OR4D1: variants seen among roughly 807,000 people sequenced by gnomAD.
OR4D1 encodes the protein olfactory receptor family 4 subfamily D member 1.
Under a neutral mutation model 14.2 loss-of-function variants are expected in OR4D1, and 10 were observed. That is an observed-to-expected ratio of 0.71 (90% CI 0.44 to 1.20). The LOEUF (loss-of-function observed/expected upper bound fraction) is 1.20, where lower values mean the gene tolerates loss of function less well. OR4D1 is among the 50% of genes most tolerant of loss of function. The probability of loss-of-function intolerance (pLI) is 0.00; values close to 1 mark genes in which losing one functional copy is unlikely to be tolerated. For synonymous variants in OR4D1, 141 were observed against 147.4 expected (o/e 0.96, Z 0.32); for missense variants, 345 against 376.6 (o/e 0.92, Z 0.70).
At position 58,157,394 on chromosome 17, in the gene OR4D1, AC is replaced by A; in HGVS notation, c.*1310del. 8.3e-7 allele frequency: 1 copy of A among 1,202,946 alleles called. No homozygotes were observed. Among genetic ancestry groups the A allele is most frequent in the East Asian group, 2.4e-5 (1 of 41,056 alleles). The allele number at this position is 1,202,946 out of a possible 1,614,324, so 74.5% of individuals were successfully genotyped here. ...GCCGCCGCCAAGACACGTGAGCCCT[AC>A]CACCTGCACCCTGAGAAAACACAAG... On this transcript the variant is annotated 3_prime_UTR_variant, in exon 4 of 4. Transcript: ENST00000268912.
rs8081942 is a variant in OR4D1 at position 58,156,674 on chromosome 17, T to C, written c.*588T>C. Reference sequence around the variant, plus strand: ...AAGTGACTTGCTCAAAGGTGAACAGTAAGTGAGTGGCAGAGCTTGCCCTGG... The same window carrying C: ...AAGTGACTTGCTCAAAGGTGAACAGCAAGTGAGTGGCAGAGCTTGCCCTGG... On this transcript the variant is annotated 3_prime_UTR_variant, in exon 4 of 4. Coordinates refer to ENST00000268912, the MANE Select transcript of OR4D1 (RefSeq NM_001386095.1). 0.37 allele frequency: 62,702 copies of C among 167,402 alleles called. 13,942 individuals are homozygous for C. The highest frequency in any genetic ancestry group is 0.64 in the African/African-American group (26,777 of 41,670). The allele number at this position is 167,402 out of a possible 1,614,324, so 10.4% of individuals were successfully genotyped here. A position where few individuals can be genotyped will look rare whatever the true frequency, so the allele number is the denominator to read the frequency against.
At chr17:58,149,042 C>T (rs1967666585) in intron 1 of OR4D1, among the ~76,000 whole-genome samples, 1 of 152,104 alleles carries the variant, frequency 6.6e-6, no homozygotes, top group Admixed American at 6.6e-5. Context: ...TAGATTCTAC[C>T]CCATTTTGGG....
In OR4D1 at chr17:58,157,084, G is replaced by A; in HGVS notation, c.*998G>A. 6.9e-7 allele frequency: 1 copy of A among 1,455,992 alleles called. No homozygotes were observed. The highest frequency in any genetic ancestry group is 2.5e-5 in the East Asian group (1 of 40,086). 90.2% of individuals were successfully genotyped at this position (1,455,992 alleles called of 1,614,324 possible). On this transcript the variant is annotated 3_prime_UTR_variant, in exon 4 of 4. Coordinates refer to ENST00000268912, the MANE Select transcript of OR4D1 (RefSeq NM_001386095.1). ...GCGGTCGGGCCAGGTCCGGGGCCTG[G>A]GGACGCCGAGGCGGCCGCGGAGGAG...
rs367749401 is a variant in OR4D1 at position 58,155,839 on chromosome 17, C to T, written c.686C>T (p.Ser229Leu). 1.4e-5 allele frequency: 22 copies of T among 1,614,022 alleles called. No homozygotes were observed. Among genetic ancestry groups the T allele is most frequent in the Non-Finnish European group, 1.8e-5 (21 of 1,180,012 alleles). Residue 229 changes from serine (S) to leucine (L), a missense_variant, in exon 4 of 4, where the codon TCG becomes TTG. By Grantham distance (145) the Ser-to-Leu change is moderately radical. Coordinates refer to ENST00000268912, the MANE Select transcript of OR4D1 (RefSeq NM_001386095.1). ...ATCCTGGTGATGCTGAGGTCCCACTCGGGAAAGGCAAGGAGGAAGGCAGCT... is the reference window on the plus strand; with the variant it reads ...ATCCTGGTGATGCTGAGGTCCCACTTGGGAAAGGCAAGGAGGAAGGCAGCT... The part of the protein sequence containing the change: ...TVILVMLRSH[S>L]GKARRKAAST...
Position 58,156,986 on chromosome 17 carries a change from C to A in OR4D1, c.*900C>A. 2 of 754,456 alleles carry A rather than the reference C, an allele frequency of 2.7e-6. No homozygotes were observed. The highest frequency in any genetic ancestry group is 2.7e-5 in the East Asian group (1 of 36,784). The allele number at this position is 754,456 out of a possible 1,614,324, so 46.7% of individuals were successfully genotyped here. A position where few individuals can be genotyped will look rare whatever the true frequency, so the allele number is the denominator to read the frequency against. ...CGCCGCTGCGGGTTGCTAGCGGAGT[C>A]GCGCGTCGGGAGCTACGTAGGGCAG... On this transcript the variant is annotated 3_prime_UTR_variant, in exon 4 of 4. Transcript: ENST00000268912.
intron 2 of OR4D1, among the ~76,000 whole-genome samples, 50 bp from the exon 3 acceptor site, chr17:58,153,807 A>G (rs2143659198): frequency 6.6e-6 from 1 of 152,296 alleles, no homozygotes; most frequent in Admixed American, 6.5e-5. Flanking sequence ...ACTTTCACTT[A>G]CTAAAGAATC....
At position 58,157,546 on chromosome 17, in the gene OR4D1, G is replaced by A. The variant is rs1481774521; in HGVS notation, c.*1460G>A. On this transcript the variant is annotated 3_prime_UTR_variant, in exon 4 of 4. Transcript: ENST00000268912. ...ACTTCTCCAGCTCTCCGAACCTCAC[G>A]GAGACTCAGGTCAAAATCTTGTTCC... 9 of 1,496,128 alleles carry A rather than the reference G, an allele frequency of 6.0e-6. No homozygotes were observed. Among genetic ancestry groups the A allele is most frequent in the Non-Finnish European group, 7.5e-6 (8 of 1,073,368 alleles). 92.7% of individuals were successfully genotyped at this position (1,496,128 alleles called of 1,614,324 possible). A position where few individuals can be genotyped will look rare whatever the true frequency, so the allele number is the denominator to read the frequency against.
intron 2 of OR4D1, among the ~76,000 whole-genome samples, chr17:58,152,633 A>G (rs1967715507): frequency 6.6e-6 from 1 of 152,210 alleles, no homozygotes; most frequent in Non-Finnish European, 1.5e-5. Context: ...AAAAGCATAT[A>G]AAAATGTATG....
rs1257802602 is a variant in OR4D1, at chr17:58,153,958, C to G, written c.-25C>G. Among the ~76,000 whole-genome samples the G allele has an allele frequency of 1.3e-5, 2 of 152,092 alleles. No individual in the cohort carries two copies. Among genetic ancestry groups the G allele is most frequent in the Non-Finnish European group, 2.9e-5 (2 of 68,016 alleles). ...ACCTCAGCCTCCTGAATAACTGAGA[C>G]TACAGGTATGCACTACCATGCCCAG... On this transcript the variant is annotated 5_prime_UTR_variant, in exon 3 of 4. Coordinates refer to ENST00000268912, the MANE Select transcript of OR4D1 (RefSeq NM_001386095.1).
Position 58,155,439 on chromosome 17 carries a change from G to C in OR4D1, c.286G>C (p.Gly96Arg). 1 of 1,614,124 alleles carries C rather than the reference G, an allele frequency of 6.2e-7. No individual in the cohort carries two copies. The highest frequency in any genetic ancestry group is 8.5e-7 in the Non-Finnish European group (1 of 1,180,022). Residue 96 changes from glycine to arginine, a missense_variant, in exon 4 of 4, where the codon GGC (glycine) becomes CGC (arginine). Coordinates refer to ENST00000268912, the MANE Select transcript of OR4D1 (RefSeq NM_001386095.1). Reference protein sequence around the residue: ...LHETKTISYQGCMAQIFFFHL... With the variant: ...LHETKTISYQRCMAQIFFFHL... The stretch of plus-strand genomic sequence containing the variant: ...TGAGACCAAGACGATCTCCTACCAG[G>C]GCTGCATGGCCCAGATCTTCTTCTT...
Position 58,155,140 on chromosome 17 carries a change from T to TG in OR4D1, c.-9dup, listed in dbSNP as rs770989343. On this transcript the variant is annotated 5_prime_UTR_variant, in exon 4 of 4. Transcript: ENST00000268912. ...TTTCAATGGTTTCTCTGTAGGAACG[T>TG]GGGGGAAGATCCTATGGAACCACAG... 5.7e-6 allele frequency: 9 copies of TG among 1,581,910 alleles called. No homozygotes were observed. In the South Asian group the frequency reaches 1.0e-4, roughly 18 times the overall value.
In OR4D1 at chr17:58,157,399, C is replaced by A; in HGVS notation, c.*1313C>A. 8.3e-7 allele frequency: 1 copy of A among 1,204,544 alleles called. No individual in the cohort carries two copies. The highest frequency in any genetic ancestry group is 1.2e-6 in the Non-Finnish European group (1 of 827,668). 74.6% of individuals were successfully genotyped at this position (1,204,544 alleles called of 1,614,324 possible). A position where few individuals can be genotyped will look rare whatever the true frequency, so the allele number is the denominator to read the frequency against. ...CGCCAAGACACGTGAGCCCTACCACCTGCACCCTGAGAAAACACAAGACCA... is the reference window on the plus strand; with the variant it reads ...CGCCAAGACACGTGAGCCCTACCACATGCACCCTGAGAAAACACAAGACCA... On this transcript the variant is annotated 3_prime_UTR_variant, in exon 4 of 4. Transcript: ENST00000268912.
chr17:58,155,768 G>C lies in OR4D1; in HGVS notation c.615G>C (p.Leu205=), dbSNP rs199828181. Residue 205 remains leucine, a synonymous_variant, in exon 4 of 4, where the codon CTG becomes CTC. Transcript: ENST00000268912. ...LEFLMISNSG[L]LVIIWFLLLL... ...TCCTCATGATCTCCAACAGTGGGCT[G>C]CTAGTTATCATCTGGTTCCTCCTCC... 1 of 1,614,186 alleles carries C rather than the reference G, an allele frequency of 6.2e-7. No homozygotes were observed. The highest frequency in any genetic ancestry group is 8.5e-7 in the Non-Finnish European group (1 of 1,180,026).
rs1025840059 is a variant in OR4D1, at chr17:58,156,374, C to T, written c.*288C>T. The T allele has an allele frequency of 1.0e-4, 29 of 285,832 alleles. 1 individual carries two copies. The highest frequency in any genetic ancestry group is 2.6e-5 in the Non-Finnish European group (4 of 154,442). The allele number at this position is 285,832 out of a possible 1,614,324, so 17.7% of individuals were successfully genotyped here. ...CAATGATTCTCCTGCCTCAGCCTCC[C>T]GCGCAGCTGGGATTACAGGCACCCA... On this transcript the variant is annotated 3_prime_UTR_variant, in exon 4 of 4. Transcript: ENST00000268912.
rs12602205 is a variant in OR4D1 at position 58,155,314 on chromosome 17, G to A, written c.161G>A (p.Arg54Gln). The change falls in exon 4 of 4, where the codon CGG becomes CAG. Residue 54 changes from arginine (R) to glutamine (Q), a missense_variant. By Grantham distance (43) the Arg-to-Gln change is conservative. Coordinates refer to ENST00000268912, the MANE Select transcript of OR4D1 (RefSeq NM_001386095.1). ...ATGGTCACAGTGACTTTTGACTGCCGGCTCCACACACCCATGTATTTTCTG... is the reference window on the plus strand; with the variant it reads ...ATGGTCACAGTGACTTTTGACTGCCAGCTCCACACACCCATGTATTTTCTG... The part of the protein sequence containing the change: ...LIMVTVTFDC[R>Q]LHTPMYFLLR... 141,964 of 1,613,424 alleles carry A rather than the reference G, an allele frequency of 0.088. 6,936 individuals are homozygous for A. Among genetic ancestry groups the A allele is most frequent in the South Asian group, 0.1 (9,363 of 91,058 alleles).
rs953119127 is a variant in OR4D1 at position 58,149,504 on chromosome 17, T to A, written c.-419T>A. ...CACACATTCTTTTGGGAACCAACTA[T>A]GAGAAAGGGTCTGTGTGTACCACGT... is the stretch of plus-strand genomic sequence containing the variant. On this transcript the variant is annotated 5_prime_UTR_variant, in exon 2 of 4. It removes an upstream start codon present in the reference 5' UTR. Coordinates refer to ENST00000268912, the MANE Select transcript of OR4D1 (RefSeq NM_001386095.1). The A allele has an allele frequency of 4.6e-5, 7 of 152,088 alleles. No individual in the cohort carries two copies. Among genetic ancestry groups the A allele is most frequent in the Non-Finnish European group, 7.3e-5 (5 of 68,072 alleles). The allele number at this position is 152,088 out of a possible 1,614,324, so 9.4% of individuals were successfully genotyped here.
chr17:58,152,631 A>G (rs370284334), intron 2 of OR4D1, among the ~76,000 whole-genome samples: 3 of 152,244 alleles, frequency 2.0e-5, no homozygotes, highest in East Asian at 3.8e-4. Flanking sequence ...ATAAAAGCAT[A>G]TAAAAATGTA....
rs775193532 is a variant in OR4D1 at position 58,155,269 on chromosome 17, T to C, written c.116T>C (p.Ile39Thr). The stretch of plus-strand genomic sequence containing the variant: ...TTCCTGTTAGTCTATGTTACCACCA[T>C]TGTGGGAAACCTCCTTATCATGGTC... ...LLFLLVYVTT[I>T]VGNLLIMVTV... Residue 39 changes from isoleucine to threonine, a missense_variant, in exon 4 of 4, where the codon ATT (isoleucine) becomes ACT (threonine). By Grantham distance (89) the Ile-to-Thr change is moderately conservative. Transcript: ENST00000268912. 3 of 1,614,076 alleles carry C rather than the reference T, an allele frequency of 1.9e-6. No individual in the cohort carries two copies. The highest frequency in any genetic ancestry group is 1.7e-5 in the Admixed American group (1 of 60,008).
In OR4D1 at chr17:58,155,873, C is replaced by T. The variant is rs62636635; in HGVS notation, c.720C>T (p.Cys240=). 0.052 allele frequency: 84,683 copies of T among 1,613,988 alleles called. 2,652 individuals carry two copies. Among genetic ancestry groups the T allele is most frequent in the South Asian group, 0.094 (8,532 of 91,078 alleles). The part of the protein sequence containing the change: ...GKARRKAAST[C]TTHIIVVSMI... ...CAAGGAGGAAGGCAGCTTCCACCTG[C>T]ACCACCCACATCATCGTGGTGTCCA... The change falls in exon 4 of 4, where the codon TGC becomes TGT. Residue 240 remains cysteine (C), a synonymous_variant. Transcript: ENST00000268912.
Sources: gnomAD v4.1 joint callset for allele counts (sites outside exome capture counted in the v4.1 genomes callset) on GRCh38, gnomAD v4.1.1 for gene constraint, MANE v1.5 for transcripts, NCBI Gene and HGNC (gene_info 2026-07-23, HGNC 2026-07-21) for gene names.